Variants in TCF12 observed in about 807,000 individuals in gnomAD.
TCF12 encodes the protein transcription factor 12.
TCF12 carries 45 observed loss-of-function variants against 86.0 expected under a neutral mutation model. That is an observed-to-expected ratio of 0.52 (90% CI 0.41 to 0.67). The LOEUF (loss-of-function observed/expected upper bound fraction) is 0.67. Ranked by LOEUF, TCF12 falls within the 30% of genes least tolerant of loss-of-function variation. The probability of loss-of-function intolerance (pLI) is 0.00; values close to 1 mark genes in which losing one functional copy is unlikely to be tolerated. For synonymous variants in TCF12, 330 were observed against 299.6 expected (o/e 1.10, Z -1.05); for missense variants, 881 against 859.9 (o/e 1.02, Z -0.31).
chr15:56,945,290 A>T (rs1348973001), intron 3 of TCF12, among the ~76,000 whole-genome samples: 1 of 151,896 alleles, frequency 6.6e-6, no homozygotes, highest in African/African-American at 2.4e-5. Flanking sequence ...CTTTTTTCTT[A>T]ATCCGTCTTA....
intron 4 of TCF12, among the ~76,000 whole-genome samples, chr15:57,084,567 G>A (rs2703588): frequency 0.82 from 124,565 of 152,134 alleles, 51,499 homozygotes; most frequent in African/African-American, 0.94. Flanking sequence ...AAACTCTGCC[G>A]GAGCTTCTGC....
intron 8 of TCF12, among the ~76,000 whole-genome samples, chr15:57,205,727 G>T (rs11629673): frequency 0.08 from 12,169 of 152,254 alleles, 675 homozygotes; most frequent in Non-Finnish European, 0.12. Context: ...ACATTAATAA[G>T]AAGTAGCCAC....
intron 8 of TCF12, among the ~76,000 whole-genome samples, chr15:57,230,543 A>AT (rs2059088651): frequency 6.6e-6 from 1 of 152,084 alleles, no homozygotes; most frequent in Non-Finnish European, 1.5e-5. Context: ...CTGCTCTAAC[A>AT]AATTAAATGA....
At chr15:57,121,300 G>A (rs546447362) in intron 5 of TCF12, among the ~76,000 whole-genome samples, 41 of 152,298 alleles carry the variant, frequency 2.7e-4, no homozygotes, top group African/African-American at 9.6e-4. Context: ...TTCTAAATAT[G>A]AATTCGGTTC....
intron 3 of TCF12, among the ~76,000 whole-genome samples, chr15:57,033,001 A>T (rs1291458681): frequency 1.3e-5 from 2 of 152,004 alleles, no homozygotes; most frequent in Non-Finnish European, 2.9e-5. Context: ...TAAAGAGGAA[A>T]CAAAATTTTA....
At chr15:57,214,793 GT>G (rs1191980420) in intron 8 of TCF12, among the ~76,000 whole-genome samples, 2 of 152,068 alleles carry the variant, frequency 1.3e-5, no homozygotes, top group African/African-American at 2.4e-5. Flanking sequence ...AATTGGAACA[GT>G]TTTTTTCATG....
In TCF12 at chr15:57,038,018, T is replaced by G. The variant is rs1374815480; in HGVS notation, c.149-25732T>G. Among the ~76,000 whole-genome samples, 9 of 152,328 alleles carry G rather than the reference T, an allele frequency of 5.9e-5. No homozygotes were observed. The East Asian group carries it at 1.7e-3, about 29-fold the overall frequency. ...AATGAAATAGGTTTTAAACTAATAT[T>G]CATAAGAGTTCAAGGAAAAACAAAA... is the stretch of plus-strand genomic sequence containing the variant. On this transcript the variant is annotated intron_variant, in intron 3 of 20. Coordinates refer to ENST00000333725, the MANE Select transcript of TCF12 (RefSeq NM_207037.2).
intron 3 of TCF12, among the ~76,000 whole-genome samples, chr15:56,963,925 T>G (rs1307329592): frequency 6.6e-6 from 1 of 152,106 alleles, no homozygotes; most frequent in East Asian, 1.9e-4. Flanking sequence ...AGGCAAAAAT[T>G]TTGGCAGAGT....
chr15:57,154,844 T>A (rs1263218304), intron 5 of TCF12, among the ~76,000 whole-genome samples: 2 of 152,206 alleles, frequency 1.3e-5, no homozygotes, highest in African/African-American at 4.8e-5. Context: ...CATGAATATT[T>A]AAGATATATA....
chr15:57,154,298 G>A (rs974646801), intron 5 of TCF12, among the ~76,000 whole-genome samples: 1 of 152,008 alleles, frequency 6.6e-6, no homozygotes. Context: ...TAACCCTGGC[G>A]CTCCTTTTTA....
intron 5 of TCF12, among the ~76,000 whole-genome samples, chr15:57,092,637 C>T (rs2049062725): frequency 6.6e-6 from 1 of 151,886 alleles, no homozygotes. Flanking sequence ...TACCCTTTTG[C>T]AAAACCTGAT....
In TCF12 at chr15:56,920,359, A is replaced by T. The variant is rs551042027; in HGVS notation, c.75+371A>T. On this transcript the variant is annotated intron_variant, in intron 2 of 20. Coordinates refer to ENST00000333725, the MANE Select transcript of TCF12 (RefSeq NM_207037.2). ...GTTGTTTTTTTCTTCAGTACTCCTC[A>T]CCATTTTCCTCTCCAGTATCAGATG... Among the ~76,000 whole-genome samples, 41 of 152,172 alleles carry T rather than the reference A, an allele frequency of 2.7e-4. No individual in the cohort carries two copies. The South Asian group carries it at 8.1e-3, about 30-fold the overall frequency.
chr15:57,142,476 G>A (rs1421079821), intron 5 of TCF12, among the ~76,000 whole-genome samples: 1 of 23,158 alleles, frequency 4.3e-5, no homozygotes, highest in African/African-American at 6.6e-5. Flanking sequence ...CAAAAGCCAG[G>A]CTAAAGGGGC....
At chr15:57,129,317 T>C (rs1184642632) in intron 5 of TCF12, among the ~76,000 whole-genome samples, 1 of 152,198 alleles carries the variant, frequency 6.6e-6, no homozygotes, top group Non-Finnish European at 1.5e-5. Flanking sequence ...TCCCAGCACC[T>C]TGGGAGGCTG....
chr15:56,951,192 A>G (rs181450867), intron 3 of TCF12, among the ~76,000 whole-genome samples: 31 of 152,274 alleles, frequency 2.0e-4, no homozygotes, highest in African/African-American at 5.8e-4. Context: ...CAGTTCCTCT[A>G]TATACTTTCT....
chr15:57,093,818 AGATT>A (rs1381699716), intron 5 of TCF12, among the ~76,000 whole-genome samples: 2 of 152,242 alleles, frequency 1.3e-5, no homozygotes, highest in South Asian at 2.1e-4. Context: ...ATTTGTAAGT[AGATT>A]GATCTCTTAA....
At chr15:57,269,858 T>C (rs1177706636) in intron 18 of TCF12, among the ~76,000 whole-genome samples, 1 of 152,348 alleles carries the variant, frequency 6.6e-6, no homozygotes, top group Non-Finnish European at 1.5e-5. Flanking sequence ...GAAAATTCTT[T>C]TCTTTAAGAA....
At chr15:57,090,667 A>G (rs1432007548) in intron 4 of TCF12, among the ~76,000 whole-genome samples, 1 of 152,118 alleles carries the variant, frequency 6.6e-6, no homozygotes, top group African/African-American at 2.4e-5. Flanking sequence ...AGTCTGGGGA[A>G]TGATAAATGT....
chr15:57,050,757 A>G (rs1292150493), intron 3 of TCF12, among the ~76,000 whole-genome samples: 1 of 152,030 alleles, frequency 6.6e-6, no homozygotes, highest in Non-Finnish European at 1.5e-5. Context: ...ATGTGTGTTC[A>G]GTTTTACTTA....
Sources: gnomAD v4.1 joint callset for allele counts (sites outside exome capture counted in the v4.1 genomes callset) on GRCh38, gnomAD v4.1.1 for gene constraint, MANE v1.5 for transcripts, NCBI Gene and HGNC (gene_info 2026-07-23, HGNC 2026-07-21) for gene names.